GRIN2B: variants seen among roughly 807,000 people sequenced by gnomAD.
The protein encoded by GRIN2B is glutamate ionotropic receptor NMDA type subunit 2B, also known as glutamate receptor ionotropic, NMDA 2B.
Under a neutral mutation model 114.5 loss-of-function variants are expected in GRIN2B, and 5 were observed. That is an observed-to-expected ratio of 0.04 (90% confidence interval 0.02 to 0.09). The LOEUF (loss-of-function observed/expected upper bound fraction) is 0.09. GRIN2B is among the 10% of genes least tolerant of loss of function. GRIN2B has a pLI of 1.00. For missense variants in GRIN2B, 1,108 were observed against 1,943.5 expected (o/e 0.57, Z 8.08); for synonymous variants, 787 against 745.1 (o/e 1.06, Z -0.92).
intron 3 of GRIN2B, among the ~76,000 whole-genome samples, chr12:13,778,677 G>C (rs1181193240): frequency 1.3e-5 from 2 of 152,132 alleles, no homozygotes; most frequent in Non-Finnish European, 2.9e-5. Context: ...CATCAAGAAC[G>C]ATCTTACTTG....
intron 2 of GRIN2B, among the ~76,000 whole-genome samples, chr12:13,904,918 G>A (rs560793116): frequency 2.6e-5 from 4 of 152,118 alleles, no homozygotes; most frequent in Admixed American, 2.6e-4. Context: ...TAATTTTGAG[G>A]CAGAAACCAT....
Position 13,557,096 on chromosome 12 carries a change from A to T in GRIN2B, c.*5687T>A, listed in dbSNP as rs1247170706. ...ATCTCTTCTAAGTCATAGAGCTCACAGGGCCACTGTGTGACTGAATCAATG... is the reference window on the plus strand; with the variant it reads ...ATCTCTTCTAAGTCATAGAGCTCACTGGGCCACTGTGTGACTGAATCAATG... On this transcript the variant is annotated 3_prime_UTR_variant, in exon 14 of 14. Coordinates refer to ENST00000609686, the MANE Select transcript of GRIN2B (RefSeq NM_000834.5). The T allele has an allele frequency of 1.3e-5, 2 of 152,172 alleles. No homozygotes were observed. Among genetic ancestry groups the T allele is most frequent in the East Asian group, 3.8e-4 (2 of 5,196 alleles). The allele number at this position is 152,172 out of a possible 1,614,324, so 9.4% of individuals were successfully genotyped here.
At chr12:13,623,972 C>T (rs999511505) in intron 5 of GRIN2B, among the ~76,000 whole-genome samples, 4 of 152,134 alleles carry the variant, frequency 2.6e-5, no homozygotes, top group African/African-American at 9.7e-5. Context: ...CCTTCCCCTG[C>T]CTGCAGGTCT....
intron 2 of GRIN2B, among the ~76,000 whole-genome samples, chr12:13,938,717 G>C (rs1031497237): frequency 9.2e-5 from 14 of 152,184 alleles, no homozygotes; most frequent in African/African-American, 3.1e-4. Flanking sequence ...TAGTTGTCTT[G>C]GGTAGGGAAC....
intron 2 of GRIN2B, among the ~76,000 whole-genome samples, chr12:13,941,625 G>A (rs1305717548): frequency 1.3e-5 from 2 of 152,146 alleles, no homozygotes; most frequent in Admixed American, 1.3e-4. Flanking sequence ...GAGGTAGATC[G>A]GCATAAACTG....
chr12:13,607,439 A>ATT (rs1230547428), intron 10 of GRIN2B, among the ~76,000 whole-genome samples: 4 of 91,918 alleles, frequency 4.4e-5, no homozygotes, highest in Non-Finnish European at 7.8e-5. Flanking sequence ...TATAATATAT[A>ATT]TTATATATAA....
At chr12:13,568,867 G>T (rs766642220) in intron 12 of GRIN2B, among the ~76,000 whole-genome samples, 9 of 152,196 alleles carry the variant, frequency 5.9e-5, no homozygotes, top group Non-Finnish European at 1.0e-4. Flanking sequence ...TGGTGGTTCA[G>T]TCTGCTGCCA....
intron 3 of GRIN2B, among the ~76,000 whole-genome samples, chr12:13,826,640 CTTTTT>C (rs538123942): frequency 6.6e-6 from 1 of 151,262 alleles, no homozygotes; most frequent in African/African-American, 2.4e-5. Flanking sequence ...TTGTTGTTTT[CTTTTT>C]TTTAGTTTGG....
chr12:13,618,865 T>C (rs1419344577), intron 5 of GRIN2B, among the ~76,000 whole-genome samples: 1 of 152,104 alleles, frequency 6.6e-6, no homozygotes, highest in African/African-American at 2.4e-5. Flanking sequence ...TTACTATATC[T>C]GTGGGAAAAA....
intron 2 of GRIN2B, among the ~76,000 whole-genome samples, chr12:13,866,712 G>T (rs1865834641): frequency 6.6e-6 from 1 of 152,156 alleles, no homozygotes; most frequent in African/African-American, 2.4e-5. Flanking sequence ...CTGCATTCTT[G>T]CTGCCTTCAC....
intron 3 of GRIN2B, among the ~76,000 whole-genome samples, chr12:13,776,278 GT>G (rs1864000313): frequency 6.6e-6 from 1 of 152,120 alleles, no homozygotes; most frequent in Non-Finnish European, 1.5e-5. Flanking sequence ...CCTGTCAGGG[GT>G]TGGTCAGGGG....
intron 2 of GRIN2B, among the ~76,000 whole-genome samples, chr12:13,972,137 A>G (rs1166251817): frequency 6.6e-6 from 1 of 152,228 alleles, no homozygotes; most frequent in Non-Finnish European, 1.5e-5. Flanking sequence ...TTAAATGACC[A>G]TCGCCTGAAT....
At chr12:13,792,405 C>T (rs187503769) in intron 3 of GRIN2B, among the ~76,000 whole-genome samples, 6 of 152,312 alleles carry the variant, frequency 3.9e-5, no homozygotes, top group Non-Finnish European at 5.9e-5. Flanking sequence ...TGAAGCTCTC[C>T]CAGCCTGGCC....
chr12:13,660,602 G>T (rs1333435024), intron 5 of GRIN2B, among the ~76,000 whole-genome samples: 4 of 152,176 alleles, frequency 2.6e-5, no homozygotes. Context: ...GTTCACTAGA[G>T]CTTTGTGGAG....
At chr12:13,774,823 G>C (rs1405429158) in intron 3 of GRIN2B, among the ~76,000 whole-genome samples, 1 of 152,184 alleles carries the variant, frequency 6.6e-6, no homozygotes, top group Non-Finnish European at 1.5e-5. Context: ...TGATCAAATA[G>C]AGTTTACAGT....
At chr12:13,680,313 C>G (rs920879702) in intron 4 of GRIN2B, among the ~76,000 whole-genome samples, 1 of 152,038 alleles carries the variant, frequency 6.6e-6, no homozygotes, top group Non-Finnish European at 1.5e-5. Flanking sequence ...GATGCCATAG[C>G]TATTCTATTT....
intron 4 of GRIN2B, among the ~76,000 whole-genome samples, chr12:13,733,830 C>T (rs1030906923): frequency 1.3e-5 from 2 of 152,216 alleles, no homozygotes; most frequent in African/African-American, 4.8e-5. Flanking sequence ...GAACGTAGGG[C>T]TCACGTCTTC....
At chr12:13,926,969 A>AG (rs1419814586) in intron 2 of GRIN2B, among the ~76,000 whole-genome samples, 2 of 151,776 alleles carry the variant, frequency 1.3e-5, no homozygotes, top group East Asian at 1.9e-4. Flanking sequence ...AGAAAAAAAA[A>AG]AAAAGACAAA....
intron 5 of GRIN2B, among the ~76,000 whole-genome samples, chr12:13,652,378 G>A (rs1949823000): frequency 1.3e-5 from 2 of 151,868 alleles, no homozygotes; most frequent in African/African-American, 4.8e-5. Flanking sequence ...CACCTAATCT[G>A]TTTCTAATGG....
Sources: gnomAD v4.1 joint callset for allele counts (sites outside exome capture counted in the v4.1 genomes callset) on GRCh38, gnomAD v4.1.1 for gene constraint, MANE v1.5 for transcripts, NCBI Gene and HGNC (gene_info 2026-07-23, HGNC 2026-07-21) for gene names.